The following AFF3 variants were observed in gnomAD, a reference collection of about 807,000 sequenced individuals.
AFF3 encodes the protein AF4/FMR2 family member 3.
A neutral mutation model predicts 129.7 loss-of-function variants in AFF3; 32 were observed. The observed-to-expected ratio is 0.25, with a 90% CI of 0.19 to 0.33. The LOEUF is 0.33. AFF3 is among the 10% of genes least tolerant of loss of function. AFF3 has a pLI of 1.00. For missense variants in AFF3, 1,373 were observed against 1,592.0 expected (o/e 0.86, Z 2.34); for synonymous variants, 644 against 635.4 (o/e 1.01, Z -0.20).
chr2:100,078,190 C>G (rs1412263798), intron 4 of AFF3, among the ~76,000 whole-genome samples: 1 of 152,212 alleles, frequency 6.6e-6, no homozygotes, highest in Non-Finnish European at 1.5e-5. Flanking sequence ...CATCCGTTCA[C>G]AGGCTCAGCC....
At chr2:99,605,584 G>A (rs925828936) in intron 13 of AFF3, among the ~76,000 whole-genome samples, 19 of 152,168 alleles carry the variant, frequency 1.2e-4, no homozygotes, top group African/African-American at 4.6e-4. Context: ...CCCATCGTGG[G>A]GCAGCTGCAG....
intron 4 of AFF3, among the ~76,000 whole-genome samples, chr2:100,032,625 C>A (rs1243918766): frequency 6.6e-6 from 1 of 152,120 alleles, no homozygotes; most frequent in Admixed American, 6.6e-5. Context: ...ATGAAGATAT[C>A]TAGTACAATT....
intron 8 of AFF3, among the ~76,000 whole-genome samples, chr2:99,768,859 G>A (rs1156535460): frequency 6.6e-6 from 1 of 152,124 alleles, no homozygotes; most frequent in East Asian, 1.9e-4. Context: ...AAAAGTCTGC[G>A]GCCAGATGTA....
intron 12 of AFF3, among the ~76,000 whole-genome samples, chr2:99,661,039 G>A (rs1003562160): frequency 1.3e-5 from 2 of 152,192 alleles, no homozygotes; most frequent in Non-Finnish European, 2.9e-5. Context: ...GGGACTGTCG[G>A]TAAATCCTTT....
chr2:99,744,047 C>T, intron 10 of AFF3, 57 bp downstream of exon 10: 8 of 1,454,120 alleles, frequency 5.5e-6, no homozygotes, highest in Middle Eastern at 1.8e-4. Context: ...TCCCCTTCTG[C>T]CCTCTGCCCC....
At chr2:100,017,473 G>C (rs565235221) in intron 4 of AFF3, among the ~76,000 whole-genome samples, 1 of 152,310 alleles carries the variant, frequency 6.6e-6, no homozygotes, top group South Asian at 2.1e-4. Flanking sequence ...TGTTCTACCA[G>C]AGCAGGAATG....
At chr2:100,126,735 G>A in intron 2 of AFF3, among the ~76,000 whole-genome samples, 1 of 152,288 alleles carries the variant, frequency 6.6e-6, no homozygotes, top group South Asian at 2.1e-4. Context: ...AAATATAAGT[G>A]TGTGATATTT....
chr2:99,582,911 C>T lies in AFF3; in HGVS notation c.2680G>A (p.Glu894Lys), dbSNP rs781704362. The change falls in exon 17 of 25, where the codon GAG (glutamate) becomes AAG (lysine). Residue 894 changes from glutamate to lysine, a missense_variant. Transcript: ENST00000672756. ...GGTCGGCTGGAAGAAGTTAAGTCCT[C>T]GCTGGTGTATTTGTGTTTAGATGCA... The part of the protein sequence containing the change: ...SDASKHKYTS[E>K]DLTSSSRPNG... 9.3e-6 allele frequency: 15 copies of T among 1,613,972 alleles called. No individual in the cohort carries two copies. Among genetic ancestry groups the T allele is most frequent in the Admixed American group, 8.3e-5 (5 of 59,986 alleles).
intron 7 of AFF3, among the ~76,000 whole-genome samples, chr2:99,888,258 AT>A: frequency 6.6e-6 from 1 of 152,378 alleles, no homozygotes; most frequent in Admixed American, 6.5e-5. Flanking sequence ...AGGTACTGGA[AT>A]AAATTAAAGA....
In AFF3 at chr2:99,870,804, A is replaced by G. The variant is rs559758721; in HGVS notation, c.874-33280T>C. Among the ~76,000 whole-genome samples, 4 of 152,374 alleles carry G rather than the reference A, an allele frequency of 2.6e-5. No individual in the cohort carries two copies. In the South Asian group the frequency reaches 8.3e-4, roughly 32 times the overall value. ...ATTTGACAATTTATCAACTACACCA[A>G]GAAGCCACTCTGTGGTCCCTCAAAT... On this transcript the variant is annotated intron_variant, in intron 7 of 24. Coordinates refer to ENST00000672756, the MANE Select transcript of AFF3 (RefSeq NM_001386135.1).
intron 7 of AFF3, among the ~76,000 whole-genome samples, chr2:100,004,402 T>C (rs1681750196): frequency 6.6e-6 from 1 of 152,172 alleles, no homozygotes; most frequent in South Asian, 2.1e-4. Context: ...AAAAGTAAAA[T>C]CTGGTTGATA....
chr2:99,863,252 T>G (rs916278256), intron 7 of AFF3, among the ~76,000 whole-genome samples: 1 of 152,240 alleles, frequency 6.6e-6, no homozygotes, highest in African/African-American at 2.4e-5. Context: ...ATGTAAAAAT[T>G]TATCTTGTGC....
intron 11 of AFF3, among the ~76,000 whole-genome samples, chr2:99,710,981 C>T (rs62156495): frequency 0.029 from 4,369 of 152,202 alleles, 76 homozygotes; most frequent in African/African-American, 0.032. Flanking sequence ...GCAGCCCCTG[C>T]GGTTTCCAAG....
intron 7 of AFF3, among the ~76,000 whole-genome samples, chr2:99,968,939 G>A (rs771166501): frequency 6.6e-6 from 1 of 152,186 alleles, no homozygotes; most frequent in African/African-American, 2.4e-5. Flanking sequence ...GAGAACCACA[G>A]GCTCCAGGGT....
chr2:100,079,660 G>A (rs998524325), intron 4 of AFF3, among the ~76,000 whole-genome samples: 2 of 152,148 alleles, frequency 1.3e-5, no homozygotes, highest in East Asian at 1.9e-4. Flanking sequence ...CCCCCCAACA[G>A]AACTCACGCT....
At chr2:100,122,018 C>T (rs939949359) in intron 2 of AFF3, among the ~76,000 whole-genome samples, 5 of 152,176 alleles carry the variant, frequency 3.3e-5, no homozygotes, top group Middle Eastern at 3.2e-3. Context: ...GCCGAGATTG[C>T]GCCACTGCAG....
At chr2:99,997,257 G>A (rs182343655) in intron 7 of AFF3, among the ~76,000 whole-genome samples, 5 of 152,180 alleles carry the variant, frequency 3.3e-5, no homozygotes, top group Non-Finnish European at 5.9e-5. Context: ...AAGTGAGTAA[G>A]TAAACTCTTG....
chr2:100,018,598 A>G (rs1349898225), intron 4 of AFF3, among the ~76,000 whole-genome samples: 1 of 152,146 alleles, frequency 6.6e-6, no homozygotes, highest in Non-Finnish European at 1.5e-5. Flanking sequence ...TCTATATAGT[A>G]TAAACAGCAG....
chr2:100,099,076 TG>T (rs1383503545), intron 4 of AFF3, among the ~76,000 whole-genome samples: 1 of 137,538 alleles, frequency 7.3e-6, no homozygotes, highest in Non-Finnish European at 1.6e-5. Flanking sequence ...CTTCGGCCAG[TG>T]TGAGTACACG....
Sources: gnomAD v4.1 joint callset for allele counts (sites outside exome capture counted in the v4.1 genomes callset) on GRCh38, gnomAD v4.1.1 for gene constraint, MANE v1.5 for transcripts, NCBI Gene and HGNC (gene_info 2026-07-23, HGNC 2026-07-21) for gene names.